The following MBNL1 variants were observed in gnomAD, a reference collection of about 807,000 sequenced individuals.
The protein encoded by MBNL1 is muscleblind like splicing regulator 1, also known as muscleblind-like protein 1.
A neutral mutation model predicts 42.2 loss-of-function variants in MBNL1; 8 were observed. The ratio of observed to expected loss-of-function variants is 0.19; its 90% CI spans 0.11 to 0.34. The LOEUF (loss-of-function observed/expected upper bound fraction) is 0.34, where lower values mean the gene tolerates loss of function less well. Ranked by LOEUF, MBNL1 falls within the 10% of genes least tolerant of loss-of-function variation. MBNL1 has a pLI of 1.00. For missense variants in MBNL1, 309 were observed against 495.3 expected (o/e 0.62, Z 3.57); for synonymous variants, 169 against 173.9 (o/e 0.97, Z 0.22).
chr3:152,456,458 G>A (rs1437613030), intron 8 of MBNL1, 97 bp downstream of exon 8: 4 of 986,550 alleles, frequency 4.1e-6, no homozygotes, highest in Non-Finnish European at 3.3e-6. Flanking sequence ...AGGTCAGTGG[G>A]AATCGTGTGT....
chr3:152,262,834 G>A (rs1417332989), intron 2 of MBNL1: 4 of 152,244 alleles, frequency 2.6e-5, no homozygotes, highest in Non-Finnish European at 5.9e-5. Context: ...CATATTATAA[G>A]CATAAATAGA....
intron 2 of MBNL1, chr3:152,338,593 T>G (rs1425605944): frequency 1.0e-6 from 1 of 985,216 alleles, no homozygotes; most frequent in East Asian, 1.1e-4. Context: ...CCTAAGACTC[T>G]GGGAGGAAGA....
chr3:152,459,622 A>T (rs1409604522), intron 9 of MBNL1, among the ~76,000 whole-genome samples: 2 of 152,158 alleles, frequency 1.3e-5, no homozygotes, highest in Admixed American at 1.3e-4. Flanking sequence ...AAGTAATTAG[A>T]AGGTGTAGAT....
chr3:152,461,951 C>CA (rs35399530), intron 9 of MBNL1, among the ~76,000 whole-genome samples: 1 of 151,838 alleles, frequency 6.6e-6, no homozygotes, highest in Non-Finnish European at 1.5e-5. Context: ...ATCAAGCACC[C>CA]AAAAAGAATA....
chr3:152,372,343 G>A (rs1392246846), intron 2 of MBNL1, among the ~76,000 whole-genome samples: 3 of 152,234 alleles, frequency 2.0e-5, no homozygotes, highest in East Asian at 1.9e-4. Flanking sequence ...CCTTGCTGGC[G>A]AGGAGTTATG....
At chr3:152,335,002 G>A (rs1297062783) in intron 2 of MBNL1, 1 of 964,706 alleles carries the variant, frequency 1.0e-6, no homozygotes, top group African/African-American at 1.7e-5. Context: ...ATCCTGCAAG[G>A]AGATGGGTCT....
chr3:152,357,120 C>T (rs1418644262), intron 2 of MBNL1, among the ~76,000 whole-genome samples: 3 of 152,132 alleles, frequency 2.0e-5, no homozygotes, highest in Admixed American at 1.3e-4. Context: ...GCCCATCTCT[C>T]CAGGCTGCTG....
At chr3:152,397,964 C>CTA (rs752008638) in intron 2 of MBNL1, among the ~76,000 whole-genome samples, 8 of 152,146 alleles carry the variant, frequency 5.3e-5, no homozygotes, top group Non-Finnish European at 1.0e-4. Flanking sequence ...AATTCACTTG[C>CTA]TACATAGTCT....
chr3:152,262,808 A>G (rs968594427), intron 2 of MBNL1: 2 of 152,244 alleles, frequency 1.3e-5, no homozygotes, highest in South Asian at 2.1e-4. Flanking sequence ...GTGTTTTACA[A>G]TATTACATGT....
chr3:152,298,088 C>T (rs553639070), intron 1 of MBNL1, among the ~76,000 whole-genome samples: 13 of 152,132 alleles, frequency 8.5e-5, no homozygotes, highest in African/African-American at 2.4e-4. Context: ...TCTAGATGTT[C>T]GTGTTTTTTA....
chr3:152,302,504 G>A (rs1174505404), intron 2 of MBNL1: 5 of 152,130 alleles, frequency 3.3e-5, no homozygotes, highest in Non-Finnish European at 7.4e-5. Flanking sequence ...ACGTGTGTGT[G>A]TATATATTTA....
intron 2 of MBNL1, among the ~76,000 whole-genome samples, chr3:152,401,442 G>A (rs1199648889): frequency 6.6e-6 from 1 of 152,132 alleles, no homozygotes; most frequent in Non-Finnish European, 1.5e-5. Context: ...TTTAAAAACA[G>A]ATGCCCAGTT....
intron 2 of MBNL1, among the ~76,000 whole-genome samples, chr3:152,320,683 C>CTTTTTTTTTT (rs528500683): frequency 2.3e-5 from 3 of 129,056 alleles, no homozygotes; most frequent in Admixed American, 7.7e-5. Flanking sequence ...TTTTTTCTTT[C>CTTTTTTTTTT]TTTTTTTTTT....
chr3:152,359,558 A>G (rs1043515936), intron 2 of MBNL1, among the ~76,000 whole-genome samples: 1 of 152,202 alleles, frequency 6.6e-6, no homozygotes, highest in African/African-American at 2.4e-5. Context: ...ATGTGGAGGT[A>G]AGAAGAGATG....
chr3:152,398,091 C>A (rs958744506), intron 2 of MBNL1, among the ~76,000 whole-genome samples: 1 of 152,056 alleles, frequency 6.6e-6, no homozygotes, highest in Non-Finnish European at 1.5e-5. Context: ...AAATTCAGAG[C>A]CACATTTTAA....
At chr3:152,387,615 G>C (rs1158473293) in intron 2 of MBNL1, among the ~76,000 whole-genome samples, 2 of 151,930 alleles carry the variant, frequency 1.3e-5, no homozygotes, top group Admixed American at 1.3e-4. Context: ...TCTTAAAACT[G>C]TCCTTACTGT....
intron 4 of MBNL1, 78 bp downstream of exon 4, chr3:152,432,998 C>A (rs927739764): frequency 7.3e-6 from 10 of 1,367,908 alleles, no homozygotes; most frequent in Non-Finnish European, 1.0e-5. Flanking sequence ...TTGTGTGTTT[C>A]CATGGCCAAA....
rs1055302653 is a variant in MBNL1 at position 152,456,158 on chromosome 3, G to A, written c.998-109G>A. On this transcript the variant is annotated intron_variant, in intron 7 of 9. Transcript: ENST00000324210. ...GCTGGTGATGATGTCCTGTCACATGGCTTATTGCTGTGATAAATACCATGC... is the reference window on the plus strand; with the variant it reads ...GCTGGTGATGATGTCCTGTCACATGACTTATTGCTGTGATAAATACCATGC... The A allele has an allele frequency of 1.3e-5, 10 of 750,090 alleles. No individual in the cohort carries two copies. In the East Asian group the frequency reaches 2.5e-4, roughly 19 times the overall value. The allele number at this position is 750,090 out of a possible 1,614,324, so 46.5% of individuals were successfully genotyped here.
At position 152,362,687 on chromosome 3, in the gene MBNL1, A is replaced by G. The variant is rs116495375; in HGVS notation, c.175-52254A>G. Among the ~76,000 whole-genome samples the G allele has an allele frequency of 4.2e-3, 644 of 152,204 alleles. 4 individuals carry two copies. The highest frequency in any genetic ancestry group is 8.7e-3 in the South Asian group (42 of 4,828). On this transcript the variant is annotated intron_variant, in intron 2 of 9. Coordinates refer to ENST00000324210, the MANE Select transcript of MBNL1 (RefSeq NM_021038.5). ...TTTCCCCCAACCTCCAGATGTGACA[A>G]CCGAACATATCTCTGGGTATTGCCA...
Sources: allele counts gnomAD v4.1 joint callset (sites outside exome capture counted in the v4.1 genomes callset), GRCh38; gene constraint gnomAD v4.1.1; transcripts MANE v1.5; gene names NCBI Gene and HGNC (gene_info 2026-07-23, HGNC 2026-07-21).